WIPF1: variants seen among roughly 807,000 people sequenced by gnomAD.
WIPF1 encodes WAS/WASL-interacting protein family member 1.
WIPF1 carries 13 observed loss-of-function variants against 35.4 expected under a neutral mutation model. The observed-to-expected ratio is 0.37, with a 90% CI of 0.24 to 0.58. WIPF1 has a LOEUF of 0.58. Among genes scored for constraint, WIPF1 ranks in the 20% least tolerant of loss-of-function variants. The probability of loss-of-function intolerance (pLI) is 0.74; values close to 1 mark genes in which losing one functional copy is unlikely to be tolerated. For synonymous variants in WIPF1, 267 were observed against 266.3 expected (o/e 1.00, Z -0.02); for missense variants, 591 against 667.0 (o/e 0.89, Z 1.25).
rs1305208290 is a variant in WIPF1 at position 174,571,906 on chromosome 2, G to A, written c.899C>T (p.Pro300Leu). ...NKPPVPSTPR[P>L]SASSQAPPPP... is the part of the protein sequence containing the mutation. ...AGGTGGGGCCTGTGAGGAGGCCGAA[G>A]GCCGCGGAGTGGAAGGCACTGGAGG... The change falls in exon 5 of 8, where the codon CCT (proline) becomes CTT (leucine). Residue 300 changes from proline (P) to leucine (L), a missense_variant. Pro to Leu is a moderately conservative substitution (Grantham distance 98). Coordinates refer to ENST00000679041, the MANE Select transcript of WIPF1 (RefSeq NM_001375834.1). The surrounding 1 kb of genome is among the most constrained non-coding windows in gnomAD (Gnocchi z 4.6). 6.2e-7 allele frequency: 1 copy of A among 1,611,128 alleles called. No individual in the cohort carries two copies.
At position 174,622,424 on chromosome 2, in the gene WIPF1, C is replaced by T. The variant is rs1686704153; in HGVS notation, c.-38-36813G>A. 6.6e-6 allele frequency among the ~76,000 whole-genome samples: 1 copy of T among 152,124 alleles called. No individual in the cohort carries two copies. The highest frequency in any genetic ancestry group is 1.5e-5 in the Non-Finnish European group (1 of 68,016). On this transcript the variant is annotated intron_variant, in intron 1 of 8. Coordinates refer to the WIPF1 transcript ENST00000272746. This position sits in a 1 kb window ranked among gnomAD's most constrained non-coding sequence, Gnocchi z 5.1. ...ACATTTTTTCTACTACACATTAAAA[C>T]AAATACATATTTAAATAAAGAACGT...
At chr2:174,617,193 C>T (rs1686532620) in intron 1 of WIPF1, among the ~76,000 whole-genome samples, 2 of 152,068 alleles carry the variant, frequency 1.3e-5, no homozygotes, top group African/African-American at 4.8e-5. Flanking sequence ...AGATTTTTGT[C>T]TGAGCTCAGT....
At chr2:174,671,018 T>C (rs1688006845) in intron 1 of WIPF1, among the ~76,000 whole-genome samples, 1 of 152,218 alleles carries the variant, frequency 6.6e-6, no homozygotes, top group African/African-American at 2.4e-5. Flanking sequence ...GAATTGGTGC[T>C]TCCTGGTTAT....
At chr2:174,566,975 C>T (rs1045918293) in intron 7 of WIPF1, 95 bp downstream of exon 7, 7 of 1,195,186 alleles carry the variant, frequency 5.9e-6, no homozygotes, top group Admixed American at 4.0e-5. Flanking sequence ...TTCTCTACCC[C>T]ACTCCAGGCA....
chr2:174,585,559 G>T lies in WIPF1; in HGVS notation c.15C>A (p.Pro5=). Residue 5 remains proline, a synonymous_variant, in exon 2 of 8, where the codon CCC becomes CCA. Coordinates refer to ENST00000679041, the MANE Select transcript of WIPF1 (RefSeq NM_001375834.1). MPVP[P]PPAPPPPPTF... The stretch of plus-strand genomic sequence containing the variant: ...TCGGGGGCGGCGGGGGTGCTGGAGG[G>T]GGAGGGACAGGCATCTTGGGCAGTT... The T allele has an allele frequency of 6.2e-7, 1 of 1,611,940 alleles. No homozygotes were observed. The highest frequency in any genetic ancestry group is 1.1e-5 in the South Asian group (1 of 90,868).
intron 1 of WIPF1, among the ~76,000 whole-genome samples, chr2:174,629,488 A>C (rs1365131569): frequency 6.6e-6 from 1 of 152,190 alleles, no homozygotes; most frequent in East Asian, 1.9e-4. Context: ...AGCTTTCACA[A>C]GGTGATGGGC....
chr2:174,667,042 G>A (rs1048738957), intron 1 of WIPF1, among the ~76,000 whole-genome samples: 3 of 152,206 alleles, frequency 2.0e-5, no homozygotes, highest in African/African-American at 7.2e-5. Flanking sequence ...GTATCAGATC[G>A]GGTTTAAGAA....
Position 174,630,148 on chromosome 2 carries a change from T to A in WIPF1, c.-38-44537A>T, listed in dbSNP as rs145656083. 1.9e-4 allele frequency among the ~76,000 whole-genome samples: 29 copies of A among 152,324 alleles called. No individual in the cohort carries two copies. In the East Asian group the frequency reaches 5.4e-3, roughly 28 times the overall value. The stretch of plus-strand genomic sequence containing the variant: ...GTGTGTGCGAACACATATCCTACTA[T>A]AACAAATGACTCTGTTTTTAAGCCA... On this transcript the variant is annotated intron_variant, in intron 1 of 8. Coordinates refer to the WIPF1 transcript ENST00000272746.
intron 1 of WIPF1, among the ~76,000 whole-genome samples, chr2:174,669,956 A>G (rs796596524): frequency 7.2e-5 from 11 of 152,354 alleles, no homozygotes; most frequent in African/African-American, 2.6e-4. Flanking sequence ...GTTTCAAAAA[A>G]GGTGACATGA....
intron 1 of WIPF1, among the ~76,000 whole-genome samples, chr2:174,593,673 G>A (rs1460540970): frequency 6.6e-6 from 1 of 152,130 alleles, no homozygotes; most frequent in Non-Finnish European, 1.5e-5. Context: ...ATTGATGCTC[G>A]CAGTAAACCA....
intron 1 of WIPF1, among the ~76,000 whole-genome samples, chr2:174,663,029 A>G (rs1385051688): frequency 6.6e-6 from 1 of 152,204 alleles, no homozygotes; most frequent in African/African-American, 2.4e-5. Flanking sequence ...GAGAGACTGA[A>G]AGGGGAACAA....
intron 1 of WIPF1, among the ~76,000 whole-genome samples, chr2:174,655,019 T>TG (rs1281192321): frequency 6.6e-6 from 1 of 152,222 alleles, no homozygotes; most frequent in Non-Finnish European, 1.5e-5. Flanking sequence ...TAACTTGGTA[T>TG]GTCCACGCTG....
chr2:174,682,088 G>A (rs1275056843), intron 1 of WIPF1, among the ~76,000 whole-genome samples: 6 of 152,250 alleles, frequency 3.9e-5, no homozygotes, highest in Non-Finnish European at 2.9e-5. Context: ...CGAGACTGAA[G>A]TGAAGCTGTC....
intron 1 of WIPF1, among the ~76,000 whole-genome samples, chr2:174,615,306 A>C: frequency 6.6e-6 from 1 of 152,316 alleles, no homozygotes; most frequent in African/African-American, 2.4e-5. Flanking sequence ...CAATTACATT[A>C]AAAAAATACA....
intron 1 of WIPF1, among the ~76,000 whole-genome samples, chr2:174,586,960 A>T (rs1685445747): frequency 6.6e-6 from 1 of 152,234 alleles, no homozygotes; most frequent in Non-Finnish European, 1.5e-5. Context: ...TCTACAGGAC[A>T]TGTGTCCCAA....
chr2:174,607,095 A>G (rs771725406), intron 1 of WIPF1, among the ~76,000 whole-genome samples: 5 of 152,194 alleles, frequency 3.3e-5, no homozygotes, highest in African/African-American at 4.8e-5. Context: ...TGATAAGGAC[A>G]TTAATTCATT....
chr2:174,669,196 G>A (rs1208207249), intron 1 of WIPF1, among the ~76,000 whole-genome samples: 2 of 152,164 alleles, frequency 1.3e-5, no homozygotes, highest in Non-Finnish European at 2.9e-5. Context: ...ACCCAGGCTG[G>A]CAAGAAATTA....
chr2:174,562,093 GTGAGCCC>G lies in WIPF1; in HGVS notation c.*447_*453del, dbSNP rs1308043607. Reference sequence around the variant, plus strand: ...GACATCCTGTGACTGCAAGTTTCCAGTGAGCCCTTACTCAGCAGCTTGCTTAGGTGGT... The same window carrying G: ...GACATCCTGTGACTGCAAGTTTCCAGTTACTCAGCAGCTTGCTTAGGTGGT... On this transcript the variant is annotated 3_prime_UTR_variant, in exon 8 of 8. Transcript: ENST00000679041. The G allele has an allele frequency of 6.4e-6, 10 of 1,550,542 alleles. No homozygotes were observed. The highest frequency in any genetic ancestry group is 7.0e-6 in the Non-Finnish European group (8 of 1,147,016).
intron 1 of WIPF1, among the ~76,000 whole-genome samples, chr2:174,610,368 C>T (rs1164475916): frequency 6.6e-6 from 1 of 152,188 alleles, no homozygotes; most frequent in African/African-American, 2.4e-5. Flanking sequence ...TGGACCATTT[C>T]ATTCTGTTTC....
Sources: allele counts gnomAD v4.1 joint callset (sites outside exome capture counted in the v4.1 genomes callset), GRCh38; gene constraint gnomAD v4.1.1; non-coding constraint Gnocchi (gnomAD v3.1); transcripts MANE v1.5; gene names NCBI Gene and HGNC (gene_info 2026-07-23, HGNC 2026-07-21).